Variants in NEDD9 observed in about 807,000 individuals in gnomAD.
The protein encoded by NEDD9 is enhancer of filamentation 1.
A neutral mutation model predicts 76.6 loss-of-function variants in NEDD9; 26 were observed. The ratio of observed to expected loss-of-function variants is 0.34; its 90% confidence interval spans 0.25 to 0.47. NEDD9 has a LOEUF of 0.47. NEDD9 is among the 20% of genes least tolerant of loss of function. The pLI, the probability that NEDD9 is intolerant of heterozygous loss-of-function variation, is 1.00. For missense variants in NEDD9, 937 were observed against 1,058.5 expected (o/e 0.89, Z 1.59); for synonymous variants, 392 against 414.2 (o/e 0.95, Z 0.65).
At chr6:11,196,090 G>A (rs548448966) in intron 2 of NEDD9, among the ~76,000 whole-genome samples, 7 of 152,254 alleles carry the variant, frequency 4.6e-5, no homozygotes, top group African/African-American at 1.7e-4. Context: ...GGATCACGAG[G>A]TCAGGAGATC....
chr6:11,329,958 G>A (rs1762001119), intron 2 of NEDD9, among the ~76,000 whole-genome samples: 1 of 152,164 alleles, frequency 6.6e-6, no homozygotes, highest in African/African-American at 2.4e-5. Context: ...ACTTAGATTT[G>A]CACCATCCAA....
At chr6:11,232,941 C>CT (rs1195941625), upstream of NEDD9, among the ~76,000 whole-genome samples, 2 of 151,970 alleles carry the variant, frequency 1.3e-5, no homozygotes, top group Non-Finnish European at 2.9e-5. Flanking sequence ...GAGATACATT[C>CT]TTTTTAAGAT....
At chr6:11,304,551 C>G (rs549544273) in intron 3 of NEDD9, among the ~76,000 whole-genome samples, 1 of 152,294 alleles carries the variant, frequency 6.6e-6, no homozygotes, top group East Asian at 1.9e-4. Flanking sequence ...GACTTGGAAC[C>G]AACCCAAATA....
upstream of NEDD9, among the ~76,000 whole-genome samples, chr6:11,234,447 TTGAG>T (rs1759558857): frequency 6.6e-6 from 1 of 152,186 alleles, no homozygotes; most frequent in African/African-American, 2.4e-5. Context: ...ATGAATATCA[TTGAG>T]TAAGTGAGTG....
chr6:11,333,056 AAGGAAGGGAGGGAGGG>A lies in NEDD9; in HGVS notation c.-153+1429_-153+1444del, dbSNP rs369454538. The stretch of plus-strand genomic sequence containing the variant: ...GAAGGAAGGAAAAAAGGAAGGAAGG[AAGGAAGGGAGGGAGGG>A]AGGGAGGGAGGGAGGGAAGGAAGGA... On this transcript the variant is annotated intron_variant, in intron 2 of 3. Transcript: ENST00000397378. Among the ~76,000 whole-genome samples the A allele has an allele frequency of 5.2e-4, 75 of 143,624 alleles. 1 individual carries two copies. The highest frequency in any genetic ancestry group is 1.6e-3 in the African/African-American group (61 of 39,028). The allele number at this position is 143,624 out of a possible 152,430, so 94.2% of individuals were successfully genotyped here.
chr6:11,214,170 C>T lies in NEDD9; in HGVS notation c.13-443G>A, dbSNP rs531235543. 5 of 517,592 alleles carry T rather than the reference C, an allele frequency of 9.7e-6. No individual in the cohort carries two copies. In the Admixed American group the frequency reaches 9.7e-5, roughly 10 times the overall value. The allele number at this position is 517,592 out of a possible 1,614,324, so 32.1% of individuals were successfully genotyped here. ...GAGGTGAAAAGAGTAAAAGAAAAAT[C>T]CCAAATAACACACAGTACAAATAGC... On this transcript the variant is annotated intron_variant, in intron 1 of 6. Coordinates refer to ENST00000379446, the MANE Select transcript of NEDD9 (RefSeq NM_006403.4).
chr6:11,230,788 G>T (rs1350104431), intron 1 of NEDD9, among the ~76,000 whole-genome samples: 1 of 152,174 alleles, frequency 6.6e-6, no homozygotes, highest in East Asian at 1.9e-4. Context: ...GGAGAAGCAG[G>T]TTTCTCCATG....
intron 2 of NEDD9, among the ~76,000 whole-genome samples, chr6:11,205,954 T>C (rs1284286295): frequency 2.0e-5 from 3 of 151,944 alleles, no homozygotes; most frequent in Non-Finnish European, 2.9e-5. Context: ...GGAACACACA[T>C]TGTCCTATGT....
chr6:11,317,406 G>T (rs1387533679), intron 2 of NEDD9, among the ~76,000 whole-genome samples: 1 of 151,384 alleles, frequency 6.6e-6, no homozygotes, highest in African/African-American at 2.4e-5. Context: ...ATAGGGTGAG[G>T]CTCCGTCTCA....
intron 5 of NEDD9, among the ~76,000 whole-genome samples, chr6:11,188,809 C>T (rs1051512888): frequency 6.6e-6 from 1 of 152,220 alleles, no homozygotes; most frequent in Non-Finnish European, 1.5e-5. Context: ...CTCAGTTCTC[C>T]TTGCCACACT....
intron 3 of NEDD9, among the ~76,000 whole-genome samples, chr6:11,287,346 T>G (rs1397565082): frequency 6.6e-6 from 1 of 152,174 alleles, no homozygotes; most frequent in East Asian, 1.9e-4. Flanking sequence ...GAGAATTGCT[T>G]GAACCTGGTA....
At chr6:11,233,941 C>A (rs1482224669), upstream of NEDD9, among the ~76,000 whole-genome samples, 3 of 151,968 alleles carry the variant, frequency 2.0e-5, no homozygotes, top group Admixed American at 2.0e-4. Context: ...GTCTAACACA[C>A]AAATTCCCAA....
At chr6:11,188,186 T>C (rs1482377092) in intron 6 of NEDD9, 32 bp downstream of exon 6, 4 of 1,540,738 alleles carry the variant, frequency 2.6e-6, no homozygotes, top group Non-Finnish European at 3.6e-6. Flanking sequence ...ATCTTTCCAA[T>C]GCCAAGCAGT....
At chr6:11,232,670 A>C, upstream of NEDD9, 1 of 1,518,502 alleles carries the variant, frequency 6.6e-7, no homozygotes, top group Non-Finnish European at 8.8e-7. Context: ...CAAGTCTCTG[A>C]GCTCACTGTT....
rs556629671 is a variant in NEDD9, at chr6:11,239,414, C to A, written c.13-25687G>T. On this transcript the variant is annotated intron_variant, in intron 3 of 3. Coordinates refer to the NEDD9 transcript ENST00000397378. ...AAAGCCTGTGTCTTGTCTGTGCACA[C>A]TGCCTTCACTGAATTCAACAGGGGG... 5.9e-5 allele frequency among the ~76,000 whole-genome samples: 9 copies of A among 152,306 alleles called. No individual in the cohort carries two copies. In the South Asian group the frequency reaches 1.9e-3, roughly 32 times the overall value.
chr6:11,248,808 C>T, intron 3 of NEDD9: 1 of 264,444 alleles, frequency 3.8e-6, no homozygotes. Context: ...CCACCTTGGC[C>T]CTGGGATGGC....
At chr6:11,286,720 G>T (rs748552533) in intron 3 of NEDD9, among the ~76,000 whole-genome samples, 4 of 152,188 alleles carry the variant, frequency 2.6e-5, no homozygotes, top group Non-Finnish European at 4.4e-5. Flanking sequence ...GCCAGAAAAA[G>T]GGTATATAAG....
intron 2 of NEDD9, among the ~76,000 whole-genome samples, chr6:11,310,772 C>T (rs1347394263): frequency 6.6e-6 from 1 of 152,160 alleles, no homozygotes; most frequent in Non-Finnish European, 1.5e-5. Context: ...TTCTTCTGAG[C>T]CCCAATCTTA....
At chr6:11,292,931 C>G (rs1261258438) in intron 3 of NEDD9, among the ~76,000 whole-genome samples, 1 of 152,114 alleles carries the variant, frequency 6.6e-6, no homozygotes, top group Non-Finnish European at 1.5e-5. Flanking sequence ...ATGGAACTTG[C>G]TAAAATTATA....
Sources: allele counts gnomAD v4.1 joint callset (sites outside exome capture counted in the v4.1 genomes callset), GRCh38; gene constraint gnomAD v4.1.1; transcripts MANE v1.5; gene names NCBI Gene and HGNC (gene_info 2026-07-23, HGNC 2026-07-21).